ANKS1B: variants seen among roughly 807,000 people sequenced by gnomAD.
ANKS1B encodes the protein ankyrin repeat and sterile alpha motif domain-containing protein 1B.
In ANKS1B, 36 loss-of-function variants were observed where a neutral mutation model predicts 148.3. The ratio of observed to expected loss-of-function variants is 0.24; its 90% CI spans 0.19 to 0.32. The LOEUF (loss-of-function observed/expected upper bound fraction) is 0.32, where lower values mean the gene tolerates loss of function less well. Among genes scored for constraint, ANKS1B ranks in the 10% least tolerant of loss-of-function variants. The pLI is 1.00. For missense variants in ANKS1B, 1,157 were observed against 1,542.6 expected (o/e 0.75, Z 4.19); for synonymous variants, 542 against 560.8 (o/e 0.97, Z 0.47).
At chr12:99,876,731 CAAA>C (rs34676678) in intron 1 of ANKS1B, among the ~76,000 whole-genome samples, 8 of 140,922 alleles carry the variant, frequency 5.7e-5, no homozygotes, top group Non-Finnish European at 6.3e-5. Context: ...CTGCTTCTCA[CAAA>C]AAAAAAAAAA....
chr12:99,634,481 T>A lies in ANKS1B; in HGVS notation c.1272+20586A>T, dbSNP rs1184815086. ...AATTACCCAGTTTCAAGTGTTCTGA[T>A]ATAAACAACAGAAAATAGGCTAATA... On this transcript the variant is annotated intron_variant, in intron 9 of 26. Transcript: ENST00000683438. 3.3e-5 allele frequency among the ~76,000 whole-genome samples: 5 copies of A among 152,252 alleles called. No homozygotes were observed. In the East Asian group the frequency reaches 7.7e-4, roughly 24 times the overall value.
intron 16 of ANKS1B, among the ~76,000 whole-genome samples, chr12:99,066,983 C>A (rs142904318): frequency 1.5e-3 from 228 of 152,234 alleles, no homozygotes; most frequent in African/African-American, 5.0e-3. Context: ...CCTGGAAAGA[C>A]TCTGCTCAGA....
At chr12:99,084,770 T>C (rs1440776578) in intron 16 of ANKS1B, among the ~76,000 whole-genome samples, 155 bp downstream of exon 16, 1 of 152,232 alleles carries the variant, frequency 6.6e-6, no homozygotes, top group Middle Eastern at 3.4e-3. Context: ...AGTAGTCTCA[T>C]AAGTCTGAAT....
At position 98,802,814 on chromosome 12, in the gene ANKS1B, T is replaced by A. The variant is rs2099017095; in HGVS notation, c.3142-1689A>T. Among the ~76,000 whole-genome samples the A allele has an allele frequency of 5.3e-5, 8 of 152,090 alleles. No individual in the cohort carries two copies. The South Asian group carries it at 1.7e-3, about 32-fold the overall frequency. ...ACTCTCCACATTAGTTTTGTTTTCGTTGCTGATTTACTTTTACATTGCTTA... is the reference window on the plus strand; with the variant it reads ...ACTCTCCACATTAGTTTTGTTTTCGATGCTGATTTACTTTTACATTGCTTA... On this transcript the variant is annotated intron_variant, in intron 20 of 26. Transcript: ENST00000683438.
intron 12 of ANKS1B, among the ~76,000 whole-genome samples, chr12:99,279,269 T>C (rs552479491): frequency 6.6e-6 from 1 of 152,340 alleles, no homozygotes; most frequent in Non-Finnish European, 1.5e-5. Flanking sequence ...GAAAAATTAA[T>C]TGAATTACAT....
chr12:99,971,049 T>C (rs183755600), intron 1 of ANKS1B, among the ~76,000 whole-genome samples: 5 of 152,320 alleles, frequency 3.3e-5, no homozygotes. Context: ...TCACTGTTCT[T>C]AGTTATCAGT....
At chr12:99,777,391 T>C (rs1230836655) in intron 6 of ANKS1B, among the ~76,000 whole-genome samples, 1 of 152,190 alleles carries the variant, frequency 6.6e-6, no homozygotes, top group African/African-American at 2.4e-5. Flanking sequence ...ACCTAATTAA[T>C]CTTGACCATT....
At chr12:99,570,026 A>G (rs2097435654) in intron 9 of ANKS1B, among the ~76,000 whole-genome samples, 1 of 152,130 alleles carries the variant, frequency 6.6e-6, no homozygotes, top group African/African-American at 2.4e-5. Flanking sequence ...CACTCCCCAC[A>G]AGGGCCCAAA....
At chr12:99,236,671 C>T (rs2712651) in intron 14 of ANKS1B, among the ~76,000 whole-genome samples, 152,237 of 152,326 alleles carry the variant, frequency 1, 76,074 homozygotes, top group Middle Eastern at 1. Flanking sequence ...TCTTGCCTGA[C>T]TGCACTGGCC....
At chr12:99,132,250 C>T (rs1016391064) in intron 15 of ANKS1B, among the ~76,000 whole-genome samples, 1 of 152,158 alleles carries the variant, frequency 6.6e-6, no homozygotes, top group South Asian at 2.1e-4. Context: ...AAGAAAGGAC[C>T]ACGAGGCTCG....
At chr12:99,797,738 T>C (rs1410265880) in intron 4 of ANKS1B, among the ~76,000 whole-genome samples, 1 of 151,880 alleles carries the variant, frequency 6.6e-6, no homozygotes, top group African/African-American at 2.4e-5. Context: ...ATATATATGT[T>C]AACATCAATA....
chr12:99,145,152 A>G (rs2072579083), intron 15 of ANKS1B, among the ~76,000 whole-genome samples: 1 of 152,102 alleles, frequency 6.6e-6, no homozygotes, highest in African/African-American at 2.4e-5. Context: ...TCATGGGAGG[A>G]CAGTGAAGGA....
intron 14 of ANKS1B, among the ~76,000 whole-genome samples, chr12:99,209,601 T>C (rs1305569394): frequency 6.6e-6 from 1 of 151,896 alleles, no homozygotes; most frequent in Non-Finnish European, 1.5e-5. Flanking sequence ...ATACAGAGAG[T>C]TCACCAAAAT....
intron 17 of ANKS1B, among the ~76,000 whole-genome samples, chr12:99,007,948 T>C (rs2099937091): frequency 6.6e-6 from 1 of 151,908 alleles, no homozygotes; most frequent in African/African-American, 2.4e-5. Flanking sequence ...TCAAACATGT[T>C]CAGCCCCCTT....
downstream of ANKS1B, among the ~76,000 whole-genome samples, chr12:98,743,489 T>TGAA (rs1184953420): frequency 6.6e-6 from 1 of 152,170 alleles, no homozygotes; most frequent in East Asian, 1.9e-4. Context: ...ATTTTCCCCT[T>TGAA]GAAGAAAATC....
At chr12:99,659,591 C>T (rs375705096) in intron 8 of ANKS1B, among the ~76,000 whole-genome samples, 14 of 152,102 alleles carry the variant, frequency 9.2e-5, no homozygotes, top group South Asian at 8.3e-4. Context: ...TTATATTAGT[C>T]TAACATTGAA....
intron 1 of ANKS1B, among the ~76,000 whole-genome samples, chr12:99,914,947 A>G (rs1016420570): frequency 4.6e-5 from 7 of 151,700 alleles, no homozygotes; most frequent in Non-Finnish European, 1.0e-4. Context: ...CTCCAACTGT[A>G]AGGCGCAGTG....
intron 1 of ANKS1B, among the ~76,000 whole-genome samples, chr12:99,845,109 T>C (rs1467916680): frequency 5.9e-5 from 9 of 152,222 alleles, no homozygotes; most frequent in Non-Finnish European, 1.2e-4. Context: ...TGAAGTTACT[T>C]ATCAGCTTAA....
At position 98,829,365 on chromosome 12, in the gene ANKS1B, T is replaced by A; in HGVS notation, c.2887-12A>T. 1 of 1,610,998 alleles carries A rather than the reference T, an allele frequency of 6.2e-7. No homozygotes were observed. Among genetic ancestry groups the A allele is most frequent in the Non-Finnish European group, 8.5e-7 (1 of 1,178,312 alleles). On this transcript the variant is annotated splice_polypyrimidine_tract_variant and intron_variant, in intron 18 of 26. Coordinates refer to ENST00000683438, the MANE Select transcript of ANKS1B (RefSeq NM_001352186.2). This position sits in a 1 kb window ranked among gnomAD's most constrained non-coding sequence, Gnocchi z 5.2. Reference sequence around the variant, plus strand: ...TTACCACTGGGTTCCTGAATGGAAATACATCATGAAATAAATACCATGTTC... The same window carrying A: ...TTACCACTGGGTTCCTGAATGGAAAAACATCATGAAATAAATACCATGTTC...
Sources: gnomAD v4.1 joint callset for allele counts (sites outside exome capture counted in the v4.1 genomes callset) on GRCh38, gnomAD v4.1.1 for gene constraint, Gnocchi (gnomAD v3.1) non-coding constraint, MANE v1.5 for transcripts, NCBI Gene and HGNC (gene_info 2026-07-23, HGNC 2026-07-21) for gene names.